Variants in KAT2B observed in about 807,000 individuals in gnomAD.
KAT2B encodes the protein histone acetyltransferase KAT2B.
KAT2B carries 36 observed loss-of-function variants against 105.9 expected under a neutral mutation model. That is an observed-to-expected ratio of 0.34 (90% CI 0.26 to 0.45). The LOEUF is 0.45. Among genes scored for constraint, KAT2B ranks in the 20% least tolerant of loss-of-function variants. The pLI, the probability that KAT2B is intolerant of heterozygous loss-of-function variation, is 1.00. For missense variants in KAT2B, 820 were observed against 1,021.6 expected (o/e 0.80, Z 2.69); for synonymous variants, 397 against 377.9 (o/e 1.05, Z -0.59).
chr3:20,144,287 T>C lies in KAT2B; in HGVS notation c.2005-2029T>C, dbSNP rs1309925740. ...TTGCCCTTGGGATTCTTTTTTTTTT[T>C]TTTTTTTTTTTTTTTTTTTGAGACA... On this transcript the variant is annotated intron_variant, in intron 13 of 17. Transcript: ENST00000263754. Among the ~76,000 whole-genome samples the C allele has an allele frequency of 3.1e-3, 196 of 62,626 alleles. 4 individuals are homozygous for C. Among genetic ancestry groups the C allele is most frequent in the South Asian group, 5.2e-3 (4 of 766 alleles). 41.1% of individuals were successfully genotyped at this position (62,626 alleles called of 152,430 possible).
chr3:20,073,276 C>T (rs1312186492), intron 2 of KAT2B, among the ~76,000 whole-genome samples: 1 of 152,172 alleles, frequency 6.6e-6, no homozygotes, highest in Non-Finnish European at 1.5e-5. Context: ...AGTTTGCTGT[C>T]CGTGACTGCA....
chr3:20,129,375 CTTT>C (rs537697916), intron 11 of KAT2B, among the ~76,000 whole-genome samples: 12 of 136,194 alleles, frequency 8.8e-5, no homozygotes, highest in Non-Finnish European at 1.1e-4. Context: ...TCTGTACTGT[CTTT>C]TTTTTTTTTT....
At chr3:20,076,833 A>T (rs9823780) in intron 2 of KAT2B, among the ~76,000 whole-genome samples, 4,236 of 152,298 alleles carry the variant, frequency 0.028, 173 homozygotes, top group African/African-American at 0.096. Flanking sequence ...GTTGGTATAC[A>T]TTGTTGTTCT....
intron 2 of KAT2B, among the ~76,000 whole-genome samples, chr3:20,072,820 C>T (rs6787947): frequency 0.41 from 62,835 of 151,954 alleles, 13,292 homozygotes; most frequent in South Asian, 0.5. Context: ...AAACCTCAAC[C>T]AACTGGTTTA....
intron 2 of KAT2B, among the ~76,000 whole-genome samples, chr3:20,082,194 C>A (rs1698532158): frequency 6.6e-6 from 1 of 151,882 alleles, no homozygotes; most frequent in African/African-American, 2.4e-5. Context: ...GCCACCATGC[C>A]CAGCTAATTT....
chr3:20,152,579 G>C lies in KAT2B; in HGVS notation c.*54G>C. The C allele has an allele frequency of 7.0e-7, 1 of 1,421,880 alleles. No homozygotes were observed. The highest frequency in any genetic ancestry group is 9.8e-7 in the Non-Finnish European group (1 of 1,024,256). The allele number at this position is 1,421,880 out of a possible 1,614,324, so 88.1% of individuals were successfully genotyped here. A position where few individuals can be genotyped will look rare whatever the true frequency, so the allele number is the denominator to read the frequency against. On this transcript the variant is annotated 3_prime_UTR_variant, in exon 18 of 18. Transcript: ENST00000263754. ...TCACCAAGCAGTGTGCCTAAAGCAAGGTGGTTTAGTTTTTTACAAAGAATT... is the reference window on the plus strand; with the variant it reads ...TCACCAAGCAGTGTGCCTAAAGCAACGTGGTTTAGTTTTTTACAAAGAATT...
At position 20,147,972 on chromosome 3, in the gene KAT2B, G is replaced by T; in HGVS notation, c.2129G>T (p.Gly710Val). 1 of 1,613,652 alleles carries T rather than the reference G, an allele frequency of 6.2e-7. No individual in the cohort carries two copies. The highest frequency in any genetic ancestry group is 8.5e-7 in the Non-Finnish European group (1 of 1,179,738). ...IESIPGIRETGWKPSGKEKSK... is the reference protein window; with the variant it reads ...IESIPGIRETVWKPSGKEKSK... ...CTTTGTTGACGTATAGGAGAGACAG[G>T]CTGGAAACCGAGTGGAAAAGAGAAA... is the stretch of plus-strand genomic sequence containing the variant. The change falls in exon 15 of 18, where the codon GGC (glycine) becomes GTC (valine). Residue 710 changes from glycine (G) to valine (V), a missense_variant. Gly to Val is a moderately radical substitution (Grantham distance 109, BLOSUM62 -3). Transcript: ENST00000263754.
At chr3:20,074,068 A>T (rs2125182413) in intron 2 of KAT2B, among the ~76,000 whole-genome samples, 1 of 151,966 alleles carries the variant, frequency 6.6e-6, no homozygotes, top group African/African-American at 2.4e-5. Flanking sequence ...CTCATTCTGC[A>T]ATACATAATC....
At chr3:20,100,547 A>G (rs1698892405) in intron 4 of KAT2B, among the ~76,000 whole-genome samples, 2 of 152,296 alleles carry the variant, frequency 1.3e-5, no homozygotes, top group South Asian at 4.1e-4. Flanking sequence ...GCTAAACAAA[A>G]ACACTCTGGA....
chr3:20,111,562 G>T (rs1458658166), intron 5 of KAT2B, 34 bp from the exon 6 acceptor site: 1 of 1,548,596 alleles, frequency 6.5e-7, no homozygotes. Context: ...GGGGTTTATG[G>T]GATATTGATG....
intron 3 of KAT2B, among the ~76,000 whole-genome samples, chr3:20,097,539 T>A (rs4858761): frequency 2.0e-5 from 3 of 152,076 alleles, no homozygotes; most frequent in African/African-American, 7.2e-5. Context: ...AATTTTTTTT[T>A]AATTTTAACT....
chr3:20,098,685 G>T (rs925180718), intron 3 of KAT2B, among the ~76,000 whole-genome samples: 3 of 152,076 alleles, frequency 2.0e-5, no homozygotes, highest in African/African-American at 7.2e-5. Flanking sequence ...TAAGCAACCA[G>T]AATTATTTGT....
chr3:20,104,564 G>A (rs1187154212), intron 5 of KAT2B, among the ~76,000 whole-genome samples: 2 of 152,166 alleles, frequency 1.3e-5, no homozygotes, highest in African/African-American at 2.4e-5. Context: ...CTGGCTGCAG[G>A]CACCAGCAGG....
chr3:20,127,674 T>G, intron 11 of KAT2B, 125 bp downstream of exon 11: 1 of 894,552 alleles, frequency 1.1e-6, no homozygotes, highest in Non-Finnish European at 1.7e-6. Context: ...TTAAGGACTT[T>G]CTGGGAATAG....
chr3:20,101,540 A>G (rs1305533571), intron 5 of KAT2B, 72 bp downstream of exon 5: 16 of 1,219,238 alleles, frequency 1.3e-5, no homozygotes, highest in African/African-American at 3.0e-5. Context: ...ACTTGACTCT[A>G]TAAGTATAGG....
intron 1 of KAT2B, among the ~76,000 whole-genome samples, chr3:20,044,906 A>T (rs887758203): frequency 6.6e-6 from 1 of 152,232 alleles, no homozygotes; most frequent in East Asian, 1.9e-4. Context: ...ATTAGCTGTG[A>T]TGTTAGCAGT....
At chr3:20,121,826 C>T (rs1403299534) in intron 8 of KAT2B, among the ~76,000 whole-genome samples, 1 of 150,028 alleles carries the variant, frequency 6.7e-6, no homozygotes, top group African/African-American at 2.5e-5. Flanking sequence ...TGGGTAGACT[C>T]ATGAACAAGC....
chr3:20,060,612 A>G (rs536503476), intron 1 of KAT2B, among the ~76,000 whole-genome samples: 2,031 of 140,490 alleles, frequency 0.014, 25 homozygotes, highest in Middle Eastern at 0.039. Flanking sequence ...AAAACAAACA[A>G]ACAAACACAC....
chr3:20,152,609 A>C lies in KAT2B; in HGVS notation c.*84A>C. 9.1e-7 allele frequency: 1 copy of C among 1,093,154 alleles called. No individual in the cohort carries two copies. Among genetic ancestry groups the C allele is most frequent in the Non-Finnish European group, 1.3e-6 (1 of 749,236 alleles). 67.7% of individuals were successfully genotyped at this position (1,093,154 alleles called of 1,614,324 possible). ...TTTAGTTTTTTACAAAGAATTGGAC[A>C]TGATGTATTGAAGAGACTTGTAAAT... is the stretch of plus-strand genomic sequence containing the variant. On this transcript the variant is annotated 3_prime_UTR_variant, in exon 18 of 18. Coordinates refer to ENST00000263754, the MANE Select transcript of KAT2B (RefSeq NM_003884.5).
Sources: gnomAD v4.1 joint callset for allele counts (sites outside exome capture counted in the v4.1 genomes callset) on GRCh38, gnomAD v4.1.1 for gene constraint, MANE v1.5 for transcripts, NCBI Gene and HGNC (gene_info 2026-07-23, HGNC 2026-07-21) for gene names.